SCAMP1: variants seen among roughly 807,000 people sequenced by gnomAD.
The protein encoded by SCAMP1 is secretory carrier-associated membrane protein 1.
A neutral mutation model predicts 41.8 loss-of-function variants in SCAMP1; 15 were observed. The ratio of observed to expected loss-of-function variants is 0.36; its 90% CI spans 0.24 to 0.55. SCAMP1 has a LOEUF of 0.55. Among genes scored for constraint, SCAMP1 ranks in the 20% least tolerant of loss-of-function variants. The pLI is 0.86. For missense variants in SCAMP1, 341 were observed against 412.6 expected, an observed-to-expected ratio of 0.83 and a Z score of 1.50; for synonymous variants, 135 against 136.8, an observed-to-expected ratio of 0.99 and a Z score of 0.09.
intron 8 of SCAMP1, among the ~76,000 whole-genome samples, chr5:78,461,618 G>A (rs955097115): frequency 6.6e-6 from 1 of 152,172 alleles, no homozygotes; most frequent in Non-Finnish European, 1.5e-5. Context: ...CTGGAGTGCA[G>A]TGGCACAATC....
Position 78,475,819 on chromosome 5 carries a change from C to G in SCAMP1, c.*151C>G, listed in dbSNP as rs1216009569. 2.1e-6 allele frequency: 1 copy of G among 482,288 alleles called. No homozygotes were observed. The highest frequency in any genetic ancestry group is 4.3e-5 in the Admixed American group (1 of 23,190). The allele number at this position is 482,288 out of a possible 1,614,324, so 29.9% of individuals were successfully genotyped here. ...CATGGGCTAAAACCAGGAAAACTTC[C>G]TTGTCTTATTACTTTACCTAATAGT... On this transcript the variant is annotated 3_prime_UTR_variant, in exon 9 of 9. Transcript: ENST00000621999.
chr5:78,455,072 C>G, intron 7 of SCAMP1, among the ~76,000 whole-genome samples: 1 of 151,192 alleles, frequency 6.6e-6, no homozygotes, highest in South Asian at 2.1e-4. Flanking sequence ...ATTCTTCTCT[C>G]TTTTTTTCTT....
intron 7 of SCAMP1, among the ~76,000 whole-genome samples, chr5:78,457,180 C>G (rs1393006230): frequency 2.0e-5 from 3 of 152,032 alleles, no homozygotes; most frequent in African/African-American, 4.8e-5. Context: ...CTTCTTCTCT[C>G]AACTCGTCAA....
At chr5:78,459,488 G>T in intron 8 of SCAMP1, 126 bp downstream of exon 8, 3 of 568,954 alleles carry the variant, frequency 5.3e-6, no homozygotes, top group South Asian at 4.8e-5. Context: ...TGCTCTCTGA[G>T]GATTACTTTT....
At chr5:78,423,665 A>T (rs1050190779) in intron 6 of SCAMP1, among the ~76,000 whole-genome samples, 1 of 139,684 alleles carries the variant, frequency 7.2e-6, no homozygotes, top group Admixed American at 7.2e-5. Flanking sequence ...TCCTGAAGTC[A>T]CTTGGTATCT....
intron 6 of SCAMP1, among the ~76,000 whole-genome samples, chr5:78,442,811 T>A (rs7720574): frequency 0.81 from 123,016 of 151,724 alleles, 50,444 homozygotes; most frequent in East Asian, 0.92. Flanking sequence ...TTTGGGGTTA[T>A]TATACTTTAG....
chr5:78,479,685 AC>A lies in SCAMP1; in HGVS notation c.*4022del, dbSNP rs1375445498. Among the ~76,000 whole-genome samples, 9 of 152,158 alleles carry A rather than the reference AC, an allele frequency of 5.9e-5. No individual in the cohort carries two copies. Among genetic ancestry groups the A allele is most frequent in the African/African-American group, 2.2e-4 (9 of 41,442 alleles). On this transcript the variant is annotated 3_prime_UTR_variant, in exon 9 of 9. Transcript: ENST00000621999. ...AGAAAGACTGTTCTCCAGTTTTCTC[AC>A]CCCCGCTGTGGGTTTTATATTTACA...
chr5:78,430,929 A>G (rs112174079), intron 6 of SCAMP1, among the ~76,000 whole-genome samples: 118 of 152,140 alleles, frequency 7.8e-4, no homozygotes, highest in Non-Finnish European at 1.2e-3. Context: ...GAGTGTTGAG[A>G]ATGTGGAGAA....
chr5:78,391,187 G>C (rs1203594234), intron 2 of SCAMP1, among the ~76,000 whole-genome samples: 71 of 148,700 alleles, frequency 4.8e-4, no homozygotes, highest in African/African-American at 1.2e-3. Flanking sequence ...CAGACGGGGT[G>C]GTGGCCGGGC....
intron 6 of SCAMP1, among the ~76,000 whole-genome samples, chr5:78,428,008 T>TA (rs1269320491): frequency 6.6e-6 from 1 of 152,172 alleles, no homozygotes; most frequent in East Asian, 1.9e-4. Context: ...TGTGGCTTCT[T>TA]AGTGGTGCCT....
intron 2 of SCAMP1, among the ~76,000 whole-genome samples, chr5:78,390,484 C>T (rs1751457174): frequency 1.3e-5 from 2 of 151,906 alleles, no homozygotes; most frequent in African/African-American, 2.4e-5. Context: ...TGAATTAGTG[C>T]TGTGAATATG....
chr5:78,438,754 A>G (rs1183338651), intron 6 of SCAMP1, among the ~76,000 whole-genome samples: 1 of 152,186 alleles, frequency 6.6e-6, no homozygotes, highest in Non-Finnish European at 1.5e-5. Flanking sequence ...GCTGAGTTCA[A>G]GTCCTGGATA....
chr5:78,438,876 T>G (rs1752840908), intron 6 of SCAMP1, among the ~76,000 whole-genome samples: 2 of 152,210 alleles, frequency 1.3e-5, no homozygotes, highest in African/African-American at 4.8e-5. Context: ...TCTAAGGACT[T>G]GCTTTATGAA....
chr5:78,471,373 G>A (rs1292845799), intron 8 of SCAMP1, among the ~76,000 whole-genome samples: 1 of 152,038 alleles, frequency 6.6e-6, no homozygotes, highest in Non-Finnish European at 1.5e-5. Flanking sequence ...TGGGCAGGAG[G>A]GTTCATAGAG....
At chr5:78,421,007 A>G (rs1467508572) in intron 5 of SCAMP1, among the ~76,000 whole-genome samples, 1 of 152,228 alleles carries the variant, frequency 6.6e-6, no homozygotes, top group Non-Finnish European at 1.5e-5. Flanking sequence ...GCCTGTGAAT[A>G]AATTTTTAAA....
intron 1 of SCAMP1, among the ~76,000 whole-genome samples, chr5:78,373,229 T>A (rs10075726): frequency 0.19 from 28,386 of 152,150 alleles, 3,273 homozygotes; most frequent in Admixed American, 0.34. Context: ...CTTTATCTTA[T>A]GAACTGAACT....
intron 1 of SCAMP1, among the ~76,000 whole-genome samples, chr5:78,369,175 C>T (rs933987914): frequency 6.6e-6 from 1 of 151,158 alleles, no homozygotes; most frequent in East Asian, 2.0e-4. Context: ...GGCGTGATCT[C>T]GGCTCACTGC....
At chr5:78,444,246 A>G (rs62364273) in intron 6 of SCAMP1, among the ~76,000 whole-genome samples, 42,925 of 152,066 alleles carry the variant, frequency 0.28, 6,373 homozygotes, top group East Asian at 0.54. Context: ...TCATATTGCT[A>G]TGAAGAAATG....
intron 2 of SCAMP1, among the ~76,000 whole-genome samples, chr5:78,400,407 T>A (rs531944960): frequency 6.6e-6 from 1 of 152,312 alleles, no homozygotes; most frequent in East Asian, 1.9e-4. Context: ...ACAAAATAAC[T>A]TGCTGGGATT....
Sources: allele counts gnomAD v4.1 joint callset (sites outside exome capture counted in the v4.1 genomes callset), GRCh38; gene constraint gnomAD v4.1.1; transcripts MANE v1.5; gene names NCBI Gene and HGNC (gene_info 2026-07-23, HGNC 2026-07-21).